The following RGS3 variants were observed in gnomAD, a reference collection of about 807,000 sequenced individuals.
RGS3 encodes the protein regulator of G-protein signalling 3.
In RGS3, 80 loss-of-function variants were observed where a neutral mutation model predicts 132.6. That is an observed-to-expected ratio of 0.60 (90% CI 0.50 to 0.73). The LOEUF (loss-of-function observed/expected upper bound fraction) is 0.73, where lower values mean the gene tolerates loss of function less well. Among genes scored for constraint, RGS3 ranks in the 30% least tolerant of loss-of-function variants. The pLI is 0.00. For synonymous variants in RGS3, 598 were observed against 620.6 expected (o/e 0.96, Z 0.54); for missense variants, 1,382 against 1,530.8 (o/e 0.90, Z 1.62).
chr9:113,508,476 C>G, intron 13 of RGS3, 65 bp from the exon 12 acceptor site: 1 of 1,594,300 alleles, frequency 6.3e-7, no homozygotes. Flanking sequence ...CCGTGTCCAG[C>G]AGCCTCCTGG....
chr9:113,573,459 C>G (rs1244403692), intron 19 of RGS3, among the ~76,000 whole-genome samples: 1 of 152,192 alleles, frequency 6.6e-6, no homozygotes, highest in Non-Finnish European at 1.5e-5. Flanking sequence ...GGAAGCGGCA[C>G]ACTGGCTGTG....
At chr9:113,505,326 A>G in intron 10 of RGS3, 116 bp from the exon 9 acceptor site, 1 of 835,062 alleles carries the variant, frequency 1.2e-6, no homozygotes, top group Non-Finnish European at 2.0e-6. Flanking sequence ...TTGTGCCTCC[A>G]GTTCCCTTGG....
chr9:113,548,013 G>A (rs2118722189), intron 19 of RGS3, among the ~76,000 whole-genome samples: 1 of 152,256 alleles, frequency 6.6e-6, no homozygotes, highest in South Asian at 2.1e-4. Context: ...TGCATTCAGA[G>A]GCCTGTAATC....
chr9:113,583,470 T>C (rs1396216682), exon 20 of RGS3: 1 of 1,614,042 alleles, frequency 6.2e-7, no homozygotes, highest in Admixed American at 1.7e-5. Flanking sequence ...CGGAGGCAGA[T>C]GAGAAGAGGG....
At chr9:113,472,058 C>G (rs924254962) in intron 3 of RGS3, among the ~76,000 whole-genome samples, 6 of 151,922 alleles carry the variant, frequency 3.9e-5, no homozygotes, top group Non-Finnish European at 7.4e-5. Flanking sequence ...AAATGCAAAT[C>G]AAAACCACAA....
At chr9:113,594,403 A>C (rs1835635530) in intron 21 of RGS3, 27 bp from the exon 20 acceptor site, 1 of 1,611,886 alleles carries the variant, frequency 6.2e-7, no homozygotes, top group African/African-American at 1.3e-5. Flanking sequence ...CAGGCTGAGC[A>C]ACCCTCTTTT....
intron 3 of RGS3, among the ~76,000 whole-genome samples, chr9:113,468,349 T>G (rs1829715939): frequency 6.6e-6 from 1 of 152,212 alleles, no homozygotes; most frequent in Non-Finnish European, 1.5e-5. Flanking sequence ...TTACTGAAAA[T>G]CAATTGCCCA....
chr9:113,516,233 C>T (rs564304518), intron 15 of RGS3, among the ~76,000 whole-genome samples: 10 of 152,378 alleles, frequency 6.6e-5, no homozygotes, highest in African/African-American at 1.9e-4. Context: ...TCTCTGGGAG[C>T]TCACACGCCT....
intron 7 of RGS3, among the ~76,000 whole-genome samples, chr9:113,490,324 T>C (rs1346615246): frequency 6.6e-6 from 1 of 152,120 alleles, no homozygotes; most frequent in Non-Finnish European, 1.5e-5. Context: ...CCCCATCCAC[T>C]TTCCCCTTCT....
chr9:113,504,369 C>T (rs534391388), intron 10 of RGS3, among the ~76,000 whole-genome samples: 23 of 152,326 alleles, frequency 1.5e-4, no homozygotes, highest in African/African-American at 5.3e-4. Flanking sequence ...CCCCTTGAAT[C>T]CCTTTTCTGA....
intron 19 of RGS3, among the ~76,000 whole-genome samples, chr9:113,556,044 GT>G (rs1218234232): frequency 1.3e-5 from 2 of 152,162 alleles, no homozygotes; most frequent in East Asian, 3.8e-4. Flanking sequence ...TTGAGTCATA[GT>G]TTGCTTGAGT....
chr9:113,561,213 C>T (rs578125901), intron 19 of RGS3, among the ~76,000 whole-genome samples: 9 of 150,982 alleles, frequency 6.0e-5, no homozygotes, highest in Non-Finnish European at 1.2e-4. Context: ...TTAGTAGAGA[C>T]GAGGTTTCAC....
chr9:113,449,783 C>G (rs935674095), intron 1 of RGS3, among the ~76,000 whole-genome samples: 3 of 152,094 alleles, frequency 2.0e-5, no homozygotes, highest in African/African-American at 7.2e-5. Context: ...CACTCTGTTG[C>G]CCAGGCTGGA....
chr9:113,505,423 G>C lies in RGS3; in HGVS notation c.898-19G>C, dbSNP rs762755974. On this transcript the variant is annotated intron_variant, in intron 10 of 24. Transcript: ENST00000350696. Reference sequence around the variant, plus strand: ...GAGCCTCCAGCTTCTGGCAGTGACCGGGCAGGGCTGTGTCCTAGATCACCA... The same window carrying C: ...GAGCCTCCAGCTTCTGGCAGTGACCCGGCAGGGCTGTGTCCTAGATCACCA... 3 of 1,612,458 alleles carry C rather than the reference G, an allele frequency of 1.9e-6. No homozygotes were observed. Among genetic ancestry groups the C allele is most frequent in the Non-Finnish European group, 2.5e-6 (3 of 1,178,660 alleles).
At chr9:113,545,318 C>T (rs139158668) in intron 19 of RGS3, among the ~76,000 whole-genome samples, 313 of 152,330 alleles carry the variant, frequency 2.1e-3, no homozygotes, top group African/African-American at 7.2e-3. Flanking sequence ...GAGGGCCTGC[C>T]CATGTGGAAC....
chr9:113,551,006 G>A (rs1304051399), intron 19 of RGS3, among the ~76,000 whole-genome samples: 1 of 152,144 alleles, frequency 6.6e-6, no homozygotes, highest in Non-Finnish European at 1.5e-5. Flanking sequence ...CCCATTTAAA[G>A]TACACAATTC....
At chr9:113,536,575 T>A in intron 18 of RGS3, 1 of 1,360,424 alleles carries the variant, frequency 7.4e-7, no homozygotes, top group African/African-American at 1.5e-5. Context: ...TCCCCCAACC[T>A]GTGGGCCCAC....
At chr9:113,571,879 C>T (rs1834307068) in intron 19 of RGS3, among the ~76,000 whole-genome samples, 2 of 151,804 alleles carry the variant, frequency 1.3e-5, no homozygotes, top group Admixed American at 6.6e-5. Flanking sequence ...GATTTTTATC[C>T]ATGTATGAAG....
At chr9:113,485,442 C>T (rs530103631) in intron 6 of RGS3, among the ~76,000 whole-genome samples, 183 bp from the exon 5 acceptor site, 14 of 152,280 alleles carry the variant, frequency 9.2e-5, no homozygotes, top group African/African-American at 3.4e-4. Flanking sequence ...TTGTCCTTAA[C>T]AACATAATAT....
Sources: gnomAD v4.1 joint callset for allele counts (sites outside exome capture counted in the v4.1 genomes callset) on GRCh38, gnomAD v4.1.1 for gene constraint, MANE v1.5 for transcripts, NCBI Gene and HGNC (gene_info 2026-07-23, HGNC 2026-07-21) for gene names.